PTPRD: variants seen among roughly 807,000 people sequenced by gnomAD.
The protein encoded by PTPRD is receptor-type tyrosine-protein phosphatase delta.
In PTPRD, 34 loss-of-function variants were observed where a neutral mutation model predicts 214.5. The observed-to-expected ratio is 0.16, with a 90% CI of 0.12 to 0.21. PTPRD has a LOEUF of 0.21. Among genes scored for constraint, PTPRD ranks in the 10% least tolerant of loss-of-function variants. The probability of loss-of-function intolerance (pLI) is 1.00; values close to 1 mark genes in which losing one functional copy is unlikely to be tolerated. For missense variants in PTPRD, 2,545 were observed against 2,398.7 expected, an observed-to-expected ratio of 1.06 and a Z score of -1.27; for synonymous variants, 1,128 against 845.7, an observed-to-expected ratio of 1.33 and a Z score of -5.79.
chr9:9,530,680 A>G (rs569594139), intron 8 of PTPRD, among the ~76,000 whole-genome samples: 81 of 152,202 alleles, frequency 5.3e-4, no homozygotes, highest in Non-Finnish European at 7.9e-4. Context: ...ACACAATGAC[A>G]CACAATGAAA....
At chr9:9,150,178 C>A (rs1019493598) in intron 10 of PTPRD, among the ~76,000 whole-genome samples, 15 of 152,024 alleles carry the variant, frequency 9.9e-5, no homozygotes, top group Admixed American at 5.9e-4. Context: ...TAACCATGGA[C>A]ATGTCTTGTT....
chr9:8,770,488 A>G (rs975714162), intron 11 of PTPRD, among the ~76,000 whole-genome samples: 11 of 152,142 alleles, frequency 7.2e-5, no homozygotes, highest in African/African-American at 2.7e-4. Flanking sequence ...CTCTCATTAA[A>G]TATACTCTCT....
intron 9 of PTPRD, among the ~76,000 whole-genome samples, chr9:9,256,006 C>T (rs759899016): frequency 6.6e-6 from 1 of 152,002 alleles, no homozygotes; most frequent in African/African-American, 2.4e-5. Flanking sequence ...GGGCAAACAC[C>T]TTTTCCCCAG....
intron 9 of PTPRD, among the ~76,000 whole-genome samples, chr9:9,284,178 A>G (rs1392411972): frequency 1.3e-5 from 2 of 151,612 alleles, no homozygotes; most frequent in Admixed American, 6.6e-5. Flanking sequence ...TTGGGGTTCT[A>G]TCCTAACTTT....
chr9:10,463,174 C>G (rs2098970487), intron 2 of PTPRD, among the ~76,000 whole-genome samples: 1 of 151,872 alleles, frequency 6.6e-6, no homozygotes, highest in Non-Finnish European at 1.5e-5. Context: ...CCATCATATG[C>G]TTATATATTT....
intron 44 of PTPRD, among the ~76,000 whole-genome samples, chr9:8,328,500 T>C (rs181009730): frequency 6.6e-6 from 1 of 152,238 alleles, no homozygotes; most frequent in African/African-American, 2.4e-5. Context: ...TTGTGTGTCT[T>C]GGGGTTGCTC....
At position 9,965,100 on chromosome 9, in the gene PTPRD, C is replaced by T. The variant is rs945401752; in HGVS notation, c.-471-26490G>A. Among the ~76,000 whole-genome samples the T allele has an allele frequency of 1.8e-4, 28 of 152,188 alleles. No individual in the cohort carries two copies. The East Asian group carries it at 1.9e-3, about 11-fold the overall frequency. Reference sequence around the variant, plus strand: ...AATGAGGATGCACAAACACACACAACGACACACAGAGTCCAAATTAGCAAA... The same window carrying T: ...AATGAGGATGCACAAACACACACAATGACACACAGAGTCCAAATTAGCAAA... On this transcript the variant is annotated intron_variant, in intron 4 of 45. Coordinates refer to ENST00000381196, the MANE Select transcript of PTPRD (RefSeq NM_002839.4).
chr9:9,051,811 A>T (rs945687018), intron 10 of PTPRD, among the ~76,000 whole-genome samples: 2 of 152,204 alleles, frequency 1.3e-5, no homozygotes, highest in Non-Finnish European at 2.9e-5. Flanking sequence ...TACCAAATTC[A>T]TTTAAATCAA....
At chr9:9,526,667 T>C (rs1424739135) in intron 8 of PTPRD, among the ~76,000 whole-genome samples, 1 of 152,188 alleles carries the variant, frequency 6.6e-6, no homozygotes, top group Non-Finnish European at 1.5e-5. Flanking sequence ...GATCCTTATA[T>C]CTTTGGAATG....
At chr9:8,701,414 C>T (rs1294014600) in intron 12 of PTPRD, 1 of 152,126 alleles carries the variant, frequency 6.6e-6, no homozygotes, top group Non-Finnish European at 1.5e-5. Flanking sequence ...GTGAGCGGAT[C>T]ACTTGAGGTC....
At chr9:9,385,190 G>C (rs1380455879) in intron 9 of PTPRD, among the ~76,000 whole-genome samples, 1 of 152,078 alleles carries the variant, frequency 6.6e-6, no homozygotes, top group Non-Finnish European at 1.5e-5. Flanking sequence ...CCACTTGTCT[G>C]AAAGCCTTTA....
chr9:9,728,269 T>A (rs1007926297), intron 7 of PTPRD, among the ~76,000 whole-genome samples: 6 of 152,304 alleles, frequency 3.9e-5, no homozygotes, highest in Non-Finnish European at 7.4e-5. Context: ...AACAAACTAA[T>A]ACATGTCCCA....
chr9:8,869,003 C>T lies in PTPRD; in HGVS notation c.-103-135057G>A, dbSNP rs546147599. 7.9e-5 allele frequency among the ~76,000 whole-genome samples: 12 copies of T among 152,178 alleles called. No individual in the cohort carries two copies. In the South Asian group the frequency reaches 2.3e-3, roughly 29 times the overall value. The stretch of plus-strand genomic sequence containing the variant: ...TTGCAGTCCAATTAAAATAGGAAGC[C>T]ATGCCATCAAACTAGCCTAAATTCC... On this transcript the variant is annotated intron_variant, in intron 11 of 45. Coordinates refer to ENST00000381196, the MANE Select transcript of PTPRD (RefSeq NM_002839.4).
chr9:8,689,475 T>TG (rs149432305), intron 12 of PTPRD, among the ~76,000 whole-genome samples: 8,874 of 152,172 alleles, frequency 0.058, 875 homozygotes, highest in African/African-American at 0.2. Flanking sequence ...CTCAGAATCA[T>TG]GGTAGGAGGT....
chr9:10,298,909 C>A (rs1343810253), intron 3 of PTPRD, among the ~76,000 whole-genome samples: 1 of 151,962 alleles, frequency 6.6e-6, no homozygotes, highest in Non-Finnish European at 1.5e-5. Flanking sequence ...TTATATTTTG[C>A]CCATCTAGTT....
At chr9:8,340,976 G>A (rs1333568159) in intron 41 of PTPRD, 114 bp downstream of exon 41, 1 of 1,038,834 alleles carries the variant, frequency 9.6e-7, no homozygotes, top group African/African-American at 1.6e-5. Flanking sequence ...ACTAAATGAT[G>A]ACCTATGCAG....
chr9:8,776,826 TATAAC>T (rs565888467), intron 11 of PTPRD, among the ~76,000 whole-genome samples: 25 of 147,472 alleles, frequency 1.7e-4, no homozygotes, highest in African/African-American at 5.9e-4. Context: ...TATATAAATA[TATAAC>T]ATAATACATA....
intron 44 of PTPRD, among the ~76,000 whole-genome samples, chr9:8,323,285 G>A (rs928972901): frequency 2.6e-5 from 4 of 152,152 alleles, no homozygotes; most frequent in Non-Finnish European, 2.9e-5. Flanking sequence ...TCTCATGCCT[G>A]TGAACACAAT....
chr9:8,545,048 C>G (rs989997112), intron 14 of PTPRD, among the ~76,000 whole-genome samples: 3 of 151,984 alleles, frequency 2.0e-5, no homozygotes, highest in African/African-American at 4.8e-5. Context: ...ATGACAGAGA[C>G]TTAAACATAT....
Sources: gnomAD v4.1 joint callset for allele counts (sites outside exome capture counted in the v4.1 genomes callset) on GRCh38, gnomAD v4.1.1 for gene constraint, MANE v1.5 for transcripts, NCBI Gene and HGNC (gene_info 2026-07-23, HGNC 2026-07-21) for gene names.